Variants in KIAA1328 observed in about 807,000 individuals in gnomAD.
The protein encoded by KIAA1328 is protein hinderin.
In KIAA1328, 52 loss-of-function variants were observed where a neutral mutation model predicts 68.1. The observed-to-expected ratio is 0.76, with a 90% confidence interval of 0.61 to 0.96. The LOEUF (loss-of-function observed/expected upper bound fraction) is 0.96. Among genes scored for constraint, KIAA1328 ranks in the 40% least tolerant of loss-of-function variants. KIAA1328 has a pLI of 0.00. For synonymous variants in KIAA1328, 232 were observed against 239.4 expected (o/e 0.97, Z 0.28); for missense variants, 641 against 677.6 (o/e 0.95, Z 0.60).
downstream of KIAA1328, chr18:37,229,583 G>T: frequency 6.3e-6 from 8 of 1,277,112 alleles, no homozygotes; most frequent in Non-Finnish European, 8.1e-6. Context: ...TCTTCAAGAA[G>T]TATCAAGTCC....
intron 5 of KIAA1328, among the ~76,000 whole-genome samples, chr18:36,906,878 A>G (rs983287120): frequency 6.6e-6 from 1 of 152,112 alleles, no homozygotes; most frequent in African/African-American, 2.4e-5. Context: ...TAAAATTTTG[A>G]TTGAGATTGT....
chr18:37,133,331 A>G (rs2058567032), intron 7 of KIAA1328, among the ~76,000 whole-genome samples: 1 of 151,600 alleles, frequency 6.6e-6, no homozygotes, highest in Admixed American at 6.6e-5. Context: ...AAAAAAAAAA[A>G]CTACCAATGG....
intron 9 of KIAA1328, among the ~76,000 whole-genome samples, chr18:37,211,696 T>C (rs2060319264): frequency 2.0e-5 from 3 of 152,224 alleles, no homozygotes; most frequent in Non-Finnish European, 2.9e-5. Flanking sequence ...TCTAATTTTC[T>C]ATAGTTTGGT....
At chr18:36,901,150 C>G (rs1008771045) in intron 5 of KIAA1328, among the ~76,000 whole-genome samples, 1 of 151,888 alleles carries the variant, frequency 6.6e-6, no homozygotes, top group Non-Finnish European at 1.5e-5. Flanking sequence ...TTGAATATGT[C>G]GGGCCACAGT....
intron 7 of KIAA1328, chr18:37,075,540 A>G (rs1017097845): frequency 1.8e-4 from 28 of 152,328 alleles, no homozygotes; most frequent in African/African-American, 5.3e-4. Context: ...AGACTGGCAA[A>G]TTGGATAAAG....
chr18:37,037,721 C>A (rs2055082477), intron 6 of KIAA1328, among the ~76,000 whole-genome samples: 1 of 151,228 alleles, frequency 6.6e-6, no homozygotes, highest in Admixed American at 6.6e-5. Context: ...CCATCTCCAG[C>A]CTCCACCCTA....
chr18:37,219,146 CTGCAGAACCGCAAATAT>C (rs1289284434), intron 9 of KIAA1328, among the ~76,000 whole-genome samples: 1 of 152,196 alleles, frequency 6.6e-6, no homozygotes, highest in Non-Finnish European at 1.5e-5. Context: ...CAGCAGATGG[CTGCAGAACCGCAAATAT>C]TGCAGAACTG....
At chr18:37,078,884 A>T (rs1333225009) in intron 7 of KIAA1328, among the ~76,000 whole-genome samples, 1 of 151,354 alleles carries the variant, frequency 6.6e-6, no homozygotes, top group Non-Finnish European at 1.5e-5. Flanking sequence ...TGTTGGTGGG[A>T]CTGTAAACTA....
chr18:36,853,655 T>A (rs534595659), intron 4 of KIAA1328, among the ~76,000 whole-genome samples: 33 of 152,146 alleles, frequency 2.2e-4, no homozygotes, highest in African/African-American at 5.3e-4. Flanking sequence ...TGCTTTTTTT[T>A]ATTTTTTTTA....
intron 6 of KIAA1328, among the ~76,000 whole-genome samples, chr18:37,003,796 C>A (rs1198913944): frequency 6.6e-6 from 1 of 151,988 alleles, no homozygotes; most frequent in African/African-American, 2.4e-5. Flanking sequence ...GTTTCGTTCT[C>A]TTAAATGTGG....
chr18:37,025,633 T>G (rs1315774955), intron 6 of KIAA1328, among the ~76,000 whole-genome samples: 2 of 152,128 alleles, frequency 1.3e-5, no homozygotes, highest in Non-Finnish European at 2.9e-5. Flanking sequence ...ACTGGGTACA[T>G]AACGAAATGA....
intron 8 of KIAA1328, among the ~76,000 whole-genome samples, chr18:37,166,002 A>G (rs1473806879): frequency 6.6e-6 from 1 of 150,856 alleles, no homozygotes; most frequent in African/African-American, 2.4e-5. Flanking sequence ...AAGGTAGTTT[A>G]ATGATTACAC....
chr18:37,150,249 C>T (rs2058998509), intron 7 of KIAA1328, among the ~76,000 whole-genome samples: 1 of 152,126 alleles, frequency 6.6e-6, no homozygotes, highest in Admixed American at 6.6e-5. Flanking sequence ...AGCCTTGGTA[C>T]TATTGATGTT....
intron 7 of KIAA1328, among the ~76,000 whole-genome samples, chr18:37,116,061 A>G (rs1003366141): frequency 1.3e-5 from 2 of 152,234 alleles, no homozygotes; most frequent in Non-Finnish European, 2.9e-5. Flanking sequence ...GGAAAAATCA[A>G]TATCATGAAA....
At chr18:36,933,354 C>A (rs2050381961) in intron 5 of KIAA1328, among the ~76,000 whole-genome samples, 1 of 152,220 alleles carries the variant, frequency 6.6e-6, no homozygotes. Context: ...CTTGGTGGGG[C>A]CCCCTCCAAT....
chr18:37,160,432 G>A, intron 8 of KIAA1328, 51 bp downstream of exon 8: 3 of 1,496,908 alleles, frequency 2.0e-6, no homozygotes, highest in Non-Finnish European at 2.7e-6. Context: ...GGGGAAGGTA[G>A]TTGCTAGCCA....
At chr18:37,147,437 A>T (rs1287111881) in intron 7 of KIAA1328, among the ~76,000 whole-genome samples, 1 of 152,046 alleles carries the variant, frequency 6.6e-6, no homozygotes, top group Non-Finnish European at 1.5e-5. Context: ...ATGAAACATT[A>T]TAGATAGGGA....
chr18:37,025,549 A>G (rs1264923048), intron 6 of KIAA1328, among the ~76,000 whole-genome samples: 1 of 152,220 alleles, frequency 6.6e-6, no homozygotes, highest in Non-Finnish European at 1.5e-5. Flanking sequence ...CAATCAAACT[A>G]GAGCTCAGGA....
chr18:37,177,763 G>C (rs867084147), intron 9 of KIAA1328, among the ~76,000 whole-genome samples: 1 of 151,898 alleles, frequency 6.6e-6, no homozygotes, highest in African/African-American at 2.4e-5. Context: ...ACAGGATTTG[G>C]GAAATACTTG....
Sources: allele counts gnomAD v4.1 joint callset (sites outside exome capture counted in the v4.1 genomes callset), GRCh38; gene constraint gnomAD v4.1.1; transcripts MANE v1.5; gene names NCBI Gene and HGNC (gene_info 2026-07-23, HGNC 2026-07-21).